Variants in CEP112 observed in about 807,000 individuals in gnomAD.
CEP112 encodes centrosomal protein of 112 kDa.
CEP112 carries 127 observed loss-of-function variants against 153.0 expected under a neutral mutation model. The observed-to-expected ratio is 0.83, with a 90% CI of 0.72 to 0.96. The LOEUF is 0.96. Ranked by LOEUF, CEP112 falls within the 40% of genes least tolerant of loss-of-function variation. The pLI is 0.00. For missense variants in CEP112, 1,089 were observed against 1,101.2 expected (o/e 0.99, Z 0.16); for synonymous variants, 358 against 374.4 (o/e 0.96, Z 0.51).
At chr17:65,918,494 T>C (rs1390012564) in intron 19 of CEP112, among the ~76,000 whole-genome samples, 3 of 152,232 alleles carry the variant, frequency 2.0e-5, no homozygotes, top group Non-Finnish European at 2.9e-5. Flanking sequence ...GCACTTATTC[T>C]TTCTGGAGAA....
chr17:66,050,717 C>A (rs1314332524), intron 12 of CEP112, among the ~76,000 whole-genome samples: 4 of 152,036 alleles, frequency 2.6e-5, no homozygotes, highest in Admixed American at 2.6e-4. Flanking sequence ...CACTTATCAG[C>A]CCTCTTCCAG....
At chr17:65,998,676 ATAT>A (rs1277534579) in intron 17 of CEP112, among the ~76,000 whole-genome samples, 1 of 151,932 alleles carries the variant, frequency 6.6e-6, no homozygotes, top group Non-Finnish European at 1.5e-5. Flanking sequence ...TATAATAATA[ATAT>A]TAATAATACA....
intron 18 of CEP112, among the ~76,000 whole-genome samples, chr17:65,944,777 A>G (rs1251710729): frequency 6.6e-6 from 1 of 151,964 alleles, no homozygotes; most frequent in Non-Finnish European, 1.5e-5. Context: ...TTTTGTCAAG[A>G]TAGGGGGTCT....
At chr17:66,128,302 C>CA (rs33978059) in intron 6 of CEP112, among the ~76,000 whole-genome samples, 34,064 of 73,528 alleles carry the variant, frequency 0.46, 9,532 homozygotes, top group East Asian at 0.81. Flanking sequence ...GATTCTGTCT[C>CA]AAAAAAAAAA....
chr17:66,132,760 CCTG>C lies in CEP112; in HGVS notation c.471_473del (p.Ser157del), dbSNP rs2070248583. ...CTCGGAGCTTCCCAGTGTACTGTTC[CCTG>C]CTAAGAGACCAAAATAATCGCAATC... On this transcript the variant is annotated inframe_deletion and splice_region_variant, in exon 5 of 27. Transcript: ENST00000535342. The C allele has an allele frequency of 1.2e-6, 2 of 1,610,492 alleles. No individual in the cohort carries two copies. Among genetic ancestry groups the C allele is most frequent in the South Asian group, 2.2e-5 (2 of 90,990 alleles).
intron 12 of CEP112, among the ~76,000 whole-genome samples, chr17:66,048,935 A>C (rs539480125): frequency 1.3e-5 from 2 of 152,296 alleles, no homozygotes; most frequent in Admixed American, 6.5e-5. Flanking sequence ...TAAAAGACTT[A>C]TACATTTGAC....
chr17:66,148,055 T>C (rs1161619978), intron 4 of CEP112, among the ~76,000 whole-genome samples: 6 of 152,194 alleles, frequency 3.9e-5, no homozygotes, highest in African/African-American at 7.2e-5. Context: ...GATAAAGACA[T>C]ACCCAGATTG....
At chr17:65,935,589 G>A (rs1261785030) in intron 18 of CEP112, among the ~76,000 whole-genome samples, 2 of 152,046 alleles carry the variant, frequency 1.3e-5, no homozygotes, top group South Asian at 2.1e-4. Context: ...ACAATGGTAT[G>A]AAATTAAAAA....
intron 19 of CEP112, among the ~76,000 whole-genome samples, chr17:65,918,863 T>C (rs2144009671): frequency 6.6e-6 from 1 of 152,348 alleles, no homozygotes; most frequent in East Asian, 1.9e-4. Flanking sequence ...TACTTTAAAA[T>C]ACTACTTCGC....
chr17:65,909,733 A>G lies in CEP112; in HGVS notation c.1981-7399T>C, dbSNP rs190192409. On this transcript the variant is annotated intron_variant, in intron 19 of 26. Coordinates refer to ENST00000535342, the MANE Select transcript of CEP112 (RefSeq NM_001199165.4). The stretch of plus-strand genomic sequence containing the variant: ...CTGGCAGTGAACAAACAAGGAAAGA[A>G]GAATAATAACTTGGCCACAAATTTC... Among the ~76,000 whole-genome samples, 727 of 152,320 alleles carry G rather than the reference A, an allele frequency of 4.8e-3. 7 individuals carry two copies. The highest frequency in any genetic ancestry group is 0.017 in the African/African-American group (692 of 41,570).
intron 21 of CEP112, among the ~76,000 whole-genome samples, chr17:65,814,682 T>G (rs1331579650): frequency 6.6e-6 from 1 of 152,118 alleles, no homozygotes; most frequent in African/African-American, 2.4e-5. Context: ...TCAGAGGAAT[T>G]GCAAACCTAT....
intron 4 of CEP112, among the ~76,000 whole-genome samples, chr17:66,172,520 C>A (rs1178605194): frequency 6.6e-6 from 1 of 152,120 alleles, no homozygotes; most frequent in Non-Finnish European, 1.5e-5. Context: ...AATAGGTGAC[C>A]AACAAAGAGA....
intron 17 of CEP112, among the ~76,000 whole-genome samples, chr17:65,978,356 A>G (rs1281142752): frequency 2.6e-5 from 4 of 152,276 alleles, no homozygotes; most frequent in Non-Finnish European, 5.9e-5. Context: ...CTTTGGTGAC[A>G]TAAAGGTAAA....
intron 1 of CEP112, among the ~76,000 whole-genome samples, chr17:66,190,778 G>A (rs1053599575): frequency 4.0e-5 from 6 of 151,826 alleles, no homozygotes; most frequent in African/African-American, 1.5e-4. Flanking sequence ...CCTACAGTCA[G>A]CAAACATAAC....
chr17:66,140,270 A>C (rs1167756794), intron 4 of CEP112, among the ~76,000 whole-genome samples: 4 of 152,220 alleles, frequency 2.6e-5, no homozygotes, highest in Non-Finnish European at 5.9e-5. Flanking sequence ...GAAGGAATGT[A>C]CATCAGAATA....
intron 6 of CEP112, among the ~76,000 whole-genome samples, chr17:66,112,444 A>T: frequency 8.0e-6 from 1 of 124,620 alleles, no homozygotes; most frequent in East Asian, 8.2e-4. Flanking sequence ...GAAATATAAA[A>T]AATATAAAGT....
At chr17:65,985,123 G>C (rs2063358361) in intron 17 of CEP112, among the ~76,000 whole-genome samples, 1 of 152,148 alleles carries the variant, frequency 6.6e-6, no homozygotes, top group Admixed American at 6.5e-5. Flanking sequence ...CAAAGAAAGA[G>C]AGAGAAGCCG....
In CEP112 at chr17:66,121,264, G is replaced by A. The variant is rs530219705; in HGVS notation, c.642+8482C>T. Among the ~76,000 whole-genome samples the A allele has an allele frequency of 1.6e-4, 24 of 146,090 alleles. No homozygotes were observed. The East Asian group carries it at 2.3e-3, about 14-fold the overall frequency. ...GCACTCTAGCCTGGGCAACATGAGC[G>A]ACACTTCGTCTCAAAAAAAAAAAAA... On this transcript the variant is annotated intron_variant, in intron 6 of 26. Transcript: ENST00000535342.
chr17:65,970,902 T>A (rs2062737568), intron 17 of CEP112, among the ~76,000 whole-genome samples: 1 of 152,228 alleles, frequency 6.6e-6, no homozygotes. Flanking sequence ...TCTGTGTGCA[T>A]TGCATGTATG....
Sources: gnomAD v4.1 joint callset for allele counts (sites outside exome capture counted in the v4.1 genomes callset) on GRCh38, gnomAD v4.1.1 for gene constraint, MANE v1.5 for transcripts, NCBI Gene and HGNC (gene_info 2026-07-23, HGNC 2026-07-21) for gene names.